The following SHISA9 variants were observed in gnomAD, a reference collection of about 807,000 sequenced individuals.
The protein encoded by SHISA9 is protein shisa-9.
Under a neutral mutation model 38.0 loss-of-function variants are expected in SHISA9, and 13 were observed. The observed-to-expected ratio is 0.34, with a 90% CI of 0.22 to 0.54. The LOEUF (loss-of-function observed/expected upper bound fraction) is 0.54, where lower values mean the gene tolerates loss of function less well. SHISA9 is among the 20% of genes least tolerant of loss of function. The pLI, the probability that SHISA9 is intolerant of heterozygous loss-of-function variation, is 0.91. For synonymous variants in SHISA9, 275 were observed against 242.0 expected (o/e 1.14, Z -1.27); for missense variants, 538 against 575.8 (o/e 0.93, Z 0.67).
the SHISA9 span, among the ~76,000 whole-genome samples, chr16:13,483,333 A>T: frequency 6.6e-6 from 1 of 152,206 alleles, no homozygotes; most frequent in African/African-American, 2.4e-5. Flanking sequence ...TGCACCCCCA[A>T]GGTCAGAGTG....
At chr16:13,190,240 C>A (rs1411502132) in intron 2 of SHISA9, among the ~76,000 whole-genome samples, 3 of 149,820 alleles carry the variant, frequency 2.0e-5, no homozygotes, top group Admixed American at 1.3e-4. Context: ...CTCCCCCTAC[C>A]CCACAACAGT....
the SHISA9 span, among the ~76,000 whole-genome samples, chr16:13,380,075 A>G: frequency 6.6e-6 from 1 of 152,180 alleles, no homozygotes; most frequent in African/African-American, 2.4e-5. Context: ...TAGAACCGAA[A>G]GACGAAGATA....
the SHISA9 span, among the ~76,000 whole-genome samples, chr16:13,421,877 C>T: frequency 6.6e-6 from 1 of 152,178 alleles, no homozygotes; most frequent in Non-Finnish European, 1.5e-5. Context: ...CTTCCAGCCA[C>T]ACTAAAAGAA....
At chr16:13,120,931 G>C (rs769906140) in intron 2 of SHISA9, among the ~76,000 whole-genome samples, 1 of 152,164 alleles carries the variant, frequency 6.6e-6, no homozygotes, top group Non-Finnish European at 1.5e-5. Context: ...CCAAGGGAGA[G>C]AGCTGTGATT....
the SHISA9 span, among the ~76,000 whole-genome samples, chr16:13,559,971 C>G: frequency 6.6e-6 from 1 of 152,148 alleles, no homozygotes; most frequent in Non-Finnish European, 1.5e-5. Context: ...AAGAGGAACT[C>G]TGTTTATCAG....
At chr16:13,111,881 T>C (rs2073981852) in intron 2 of SHISA9, among the ~76,000 whole-genome samples, 1 of 152,320 alleles carries the variant, frequency 6.6e-6, no homozygotes, top group African/African-American at 2.4e-5. Flanking sequence ...TTATCATCTG[T>C]TGAGGCAGAC....
intron 2 of SHISA9, among the ~76,000 whole-genome samples, chr16:13,102,174 C>T (rs760336791): frequency 2.0e-5 from 3 of 152,182 alleles, no homozygotes; most frequent in Admixed American, 6.5e-5. Context: ...GTCCTGTCTA[C>T]GAGAACCGAC....
At chr16:13,383,977 T>G in the SHISA9 span, among the ~76,000 whole-genome samples, 1 of 152,156 alleles carries the variant, frequency 6.6e-6, no homozygotes, top group South Asian at 2.1e-4. Flanking sequence ...ATACTTTAAA[T>G]GTAATATTTT....
At chr16:13,096,023 G>A (rs2073822453) in intron 2 of SHISA9, among the ~76,000 whole-genome samples, 1 of 152,230 alleles carries the variant, frequency 6.6e-6, no homozygotes, top group East Asian at 1.9e-4. Context: ...GTGGTCAAGA[G>A]TGAAAGCCCT....
chr16:13,333,503 T>C, the SHISA9 span, among the ~76,000 whole-genome samples: 5 of 152,160 alleles, frequency 3.3e-5, no homozygotes, highest in Non-Finnish European at 7.3e-5. Context: ...TTTGGTGTCA[T>C]GCATATTTCA....
At chr16:13,084,218 A>C (rs566444602) in intron 2 of SHISA9, among the ~76,000 whole-genome samples, 1 of 152,362 alleles carries the variant, frequency 6.6e-6, no homozygotes, top group Admixed American at 6.5e-5. Flanking sequence ...AGAGTCAGGC[A>C]GACCCAAGAC....
At chr16:13,205,811 G>A (rs1197585175) in intron 3 of SHISA9, among the ~76,000 whole-genome samples, 1 of 152,026 alleles carries the variant, frequency 6.6e-6, no homozygotes, top group African/African-American at 2.4e-5. Context: ...ACTCTGGCTG[G>A]AGCGCAGTGG....
intron 2 of SHISA9, among the ~76,000 whole-genome samples, chr16:12,970,749 C>G (rs1023689409): frequency 1.3e-5 from 2 of 151,336 alleles, no homozygotes; most frequent in Admixed American, 6.6e-5. Flanking sequence ...GTCTCAAACT[C>G]CTGACCTCAG....
chr16:13,174,699 G>A (rs914861801), intron 2 of SHISA9, among the ~76,000 whole-genome samples: 2 of 152,148 alleles, frequency 1.3e-5, no homozygotes, highest in African/African-American at 4.8e-5. Flanking sequence ...GAGGTGCAGA[G>A]GGAAGACGCT....
intron 3 of SHISA9, among the ~76,000 whole-genome samples, chr16:13,212,658 A>G (rs1236128633): frequency 6.6e-6 from 1 of 152,168 alleles, no homozygotes; most frequent in African/African-American, 2.4e-5. Context: ...ATAAAATTGA[A>G]TGCATTCCTT....
chr16:13,083,301 C>A (rs778191753), intron 2 of SHISA9, among the ~76,000 whole-genome samples: 1 of 152,160 alleles, frequency 6.6e-6, no homozygotes, highest in African/African-American at 2.4e-5. Context: ...TGGTCTCATG[C>A]GTCATCTCTA....
At chr16:13,003,889 TAAGAAGAAG>T (rs59904952) in intron 2 of SHISA9, among the ~76,000 whole-genome samples, 47 of 145,860 alleles carry the variant, frequency 3.2e-4, no homozygotes, top group Middle Eastern at 3.6e-3. Flanking sequence ...ATAATAATAA[TAAGAAGAAG>T]AAGAAGAAGA....
chr16:13,251,744 G>A, the SHISA9 span, among the ~76,000 whole-genome samples: 9 of 152,200 alleles, frequency 5.9e-5, no homozygotes, highest in African/African-American at 1.9e-4. Context: ...ATAAATACCT[G>A]CACACAGTAC....
chr16:13,520,454 T>A, the SHISA9 span, among the ~76,000 whole-genome samples: 1 of 150,572 alleles, frequency 6.6e-6, no homozygotes, highest in African/African-American at 2.5e-5. Flanking sequence ...AAAAAAAAAA[T>A]TAGCCGGTCA....
Sources: gnomAD v4.1 joint callset for allele counts (sites outside exome capture counted in the v4.1 genomes callset) on GRCh38, gnomAD v4.1.1 for gene constraint, MANE v1.5 for transcripts, NCBI Gene and HGNC (gene_info 2026-07-23, HGNC 2026-07-21) for gene names.